Variants in SCAI observed in about 807,000 individuals in gnomAD.
SCAI encodes the protein suppressor of cancer cell invasion, also known as protein SCAI.
SCAI carries 24 observed loss-of-function variants against 92.2 expected under a neutral mutation model. The observed-to-expected ratio is 0.26, with a 90% CI of 0.19 to 0.37. The LOEUF (loss-of-function observed/expected upper bound fraction) is 0.37. SCAI is among the 10% of genes least tolerant of loss of function. SCAI has a pLI of 1.00. For missense variants in SCAI, 450 were observed against 736.2 expected, an observed-to-expected ratio of 0.61 and a Z score of 4.50; for synonymous variants, 261 against 258.6, an observed-to-expected ratio of 1.01 and a Z score of -0.09.
At chr9:125,004,329 CTTTTT>C (rs563470435) in intron 9 of SCAI, among the ~76,000 whole-genome samples, 1 of 134,350 alleles carries the variant, frequency 7.4e-6, no homozygotes. Flanking sequence ...AGCCCAAATT[CTTTTT>C]TTTTTTTTTT....
chr9:125,032,581 C>T (rs1588165021), intron 3 of SCAI, among the ~76,000 whole-genome samples: 2 of 148,922 alleles, frequency 1.3e-5, no homozygotes, highest in Middle Eastern at 7.1e-3. Flanking sequence ...TGAAGACACT[C>T]AATGGAAGGA....
chr9:125,125,909 T>TACACACACACACACACACACAC (rs10554292), intron 2 of SCAI, among the ~76,000 whole-genome samples: 3 of 137,910 alleles, frequency 2.2e-5, no homozygotes, highest in Non-Finnish European at 4.7e-5. Context: ...TGCGTACACG[T>TACACACACACACACACACACAC]ACACACACAC....
chr9:124,954,281 T>A (rs1347717465), intron 17 of SCAI, among the ~76,000 whole-genome samples: 1 of 152,230 alleles, frequency 6.6e-6, no homozygotes, highest in African/African-American at 2.4e-5. Flanking sequence ...TATCATTCCA[T>A]CTAGTAATAG....
chr9:125,116,999 A>G (rs1376785940), intron 2 of SCAI, among the ~76,000 whole-genome samples: 1 of 152,262 alleles, frequency 6.6e-6, no homozygotes, highest in Non-Finnish European at 1.5e-5. Flanking sequence ...AATATGAAAC[A>G]TAAGAGAATA....
intron 2 of SCAI, among the ~76,000 whole-genome samples, chr9:125,125,519 C>A (rs1159210984): frequency 6.8e-6 from 1 of 147,074 alleles, no homozygotes. Context: ...CAGAGTGATA[C>A]TCCATCTCCA....
chr9:125,072,771 G>A (rs949220811), intron 2 of SCAI, among the ~76,000 whole-genome samples: 11 of 152,140 alleles, frequency 7.2e-5, no homozygotes, highest in Admixed American at 2.0e-4. Context: ...TATCATGTAA[G>A]TGGAATCATA....
intron 2 of SCAI, among the ~76,000 whole-genome samples, chr9:125,135,161 G>A (rs1835495102): frequency 6.6e-6 from 1 of 152,116 alleles, no homozygotes; most frequent in Non-Finnish European, 1.5e-5. Context: ...GATGAACTAT[G>A]ATAAGGAAAT....
intron 3 of SCAI, among the ~76,000 whole-genome samples, chr9:125,035,901 A>T (rs1166526256): frequency 6.6e-6 from 1 of 152,316 alleles, no homozygotes; most frequent in East Asian, 1.9e-4. Flanking sequence ...CTACAAAAAA[A>T]TTTAAAAATT....
At chr9:125,102,782 G>A (rs1834704377) in intron 2 of SCAI, among the ~76,000 whole-genome samples, 2 of 152,094 alleles carry the variant, frequency 1.3e-5, no homozygotes, top group Non-Finnish European at 2.9e-5. Context: ...ATTTTCAGTA[G>A]AGGCGGGGTT....
intron 14 of SCAI, among the ~76,000 whole-genome samples, chr9:124,978,091 A>G (rs1183235090): frequency 6.6e-6 from 1 of 152,206 alleles, no homozygotes; most frequent in South Asian, 2.1e-4. Context: ...AAGTCAAATA[A>G]TGAACTGAAG....
intron 2 of SCAI, among the ~76,000 whole-genome samples, chr9:125,135,531 T>C (rs1835503187): frequency 6.6e-6 from 1 of 152,078 alleles, no homozygotes; most frequent in Non-Finnish European, 1.5e-5. Flanking sequence ...TGCGCCCCTG[T>C]AATCTCAGGT....
At chr9:125,093,655 T>C (rs1237755470) in intron 2 of SCAI, among the ~76,000 whole-genome samples, 1 of 147,976 alleles carries the variant, frequency 6.8e-6, no homozygotes, top group East Asian at 2.1e-4. Flanking sequence ...AGCCTTCGCC[T>C]CCCGGGTTCA....
intron 17 of SCAI, among the ~76,000 whole-genome samples, chr9:124,963,811 T>TA (rs1371016049): frequency 1.1e-5 from 1 of 87,736 alleles, no homozygotes; most frequent in Admixed American, 1.1e-4. Flanking sequence ...GGAAGAGAAA[T>TA]ATATTTACTA....
intron 2 of SCAI, among the ~76,000 whole-genome samples, chr9:125,061,103 G>A (rs574092051): frequency 4.1e-4 from 63 of 151,940 alleles, no homozygotes; most frequent in African/African-American, 1.4e-3. Context: ...CGAGACCATC[G>A]TGGCTAACAC....
intron 2 of SCAI, among the ~76,000 whole-genome samples, chr9:125,057,274 A>C (rs1385413768): frequency 6.6e-6 from 1 of 152,240 alleles, no homozygotes; most frequent in East Asian, 1.9e-4. Flanking sequence ...GCCAAAAGAC[A>C]GTAGAAAGAG....
chr9:125,073,946 T>C (rs1156705630), intron 2 of SCAI, among the ~76,000 whole-genome samples: 1 of 144,652 alleles, frequency 6.9e-6, no homozygotes, highest in Non-Finnish European at 1.5e-5. Context: ...TCGTTCTCCT[T>C]TTTTTTTTTT....
intron 1 of SCAI, 78 bp from the exon 2 acceptor site, chr9:125,142,755 G>T: frequency 8.1e-7 from 1 of 1,241,980 alleles, no homozygotes; most frequent in Non-Finnish European, 1.2e-6. Context: ...TGCCAGTCAA[G>T]AACTAAATAG....
intron 2 of SCAI, among the ~76,000 whole-genome samples, chr9:125,071,614 G>C (rs959627530): frequency 1.3e-5 from 2 of 152,016 alleles, no homozygotes; most frequent in African/African-American, 4.8e-5. Flanking sequence ...ACATCATTTT[G>C]CCTATCAAAT....
intron 17 of SCAI, chr9:124,968,727 T>C (rs1045896611): frequency 7.2e-7 from 1 of 1,383,970 alleles, no homozygotes; most frequent in South Asian, 1.2e-5. Flanking sequence ...CTTTTTGACA[T>C]TCCGAATCTG....
Sources: allele counts gnomAD v4.1 joint callset (sites outside exome capture counted in the v4.1 genomes callset), GRCh38; gene constraint gnomAD v4.1.1; transcripts MANE v1.5; gene names NCBI Gene and HGNC (gene_info 2026-07-23, HGNC 2026-07-21).